TUT4: variants seen among roughly 807,000 people sequenced by gnomAD.
TUT4 encodes terminal uridylyl transferase 4, also known as terminal uridylyltransferase 4.
In TUT4, 36 loss-of-function variants were observed where a neutral mutation model predicts 192.2. The observed-to-expected ratio is 0.19, with a 90% confidence interval of 0.14 to 0.25. TUT4 has a LOEUF of 0.25. Ranked by LOEUF, TUT4 falls within the 10% of genes least tolerant of loss-of-function variation. The probability of loss-of-function intolerance (pLI) is 1.00; values close to 1 mark genes in which losing one functional copy is unlikely to be tolerated. For missense variants in TUT4, 1,493 were observed against 1,957.2 expected (o/e 0.76, Z 4.47); for synonymous variants, 618 against 666.0 (o/e 0.93, Z 1.11).
Position 52,513,190 on chromosome 1 carries a change from T to C in TUT4, c.882+2701A>G, listed in dbSNP as rs556198291. Among the ~76,000 whole-genome samples, 3 of 144,688 alleles carry C rather than the reference T, an allele frequency of 2.1e-5. No homozygotes were observed. In the South Asian group the frequency reaches 6.6e-4, roughly 32 times the overall value. The allele number at this position is 144,688 out of a possible 152,430, so 94.9% of individuals were successfully genotyped here. A position where few individuals can be genotyped will look rare whatever the true frequency, so the allele number is the denominator to read the frequency against. ...GGCTCACACCTGTAAACTCAGCACGTTGGGAGGCCGAGACCAGTCCGGGCA... is the reference window on the plus strand; with the variant it reads ...GGCTCACACCTGTAAACTCAGCACGCTGGGAGGCCGAGACCAGTCCGGGCA... On this transcript the variant is annotated intron_variant, in intron 3 of 29. Coordinates refer to ENST00000257177, the MANE Select transcript of TUT4 (RefSeq NM_001009881.3).
rs1666758945 is a variant in TUT4 at position 52,475,124 on chromosome 1, A to G, written c.2435T>C (p.Leu812Ser). ...TSKSSEIEPK[L>S]DKKQDDLAPS... ...CGCTAAATCATCTTGTTTCTTATCT[A>G]ATTTTGGCTCTATTTCACTGCTTTT... Residue 812 changes from leucine to serine, a missense_variant, in exon 13 of 30, where the codon TTA (leucine) becomes TCA (serine). By Grantham distance (145) the Leu-to-Ser change is moderately radical. Coordinates refer to ENST00000257177, the MANE Select transcript of TUT4 (RefSeq NM_001009881.3). The G allele has an allele frequency of 1.2e-6, 2 of 1,613,946 alleles. No homozygotes were observed. The highest frequency in any genetic ancestry group is 2.2e-5 in the South Asian group (2 of 91,070).
At chr1:52,498,240 CT>C (rs556089149) in intron 4 of TUT4, among the ~76,000 whole-genome samples, 3,024 of 119,362 alleles carry the variant, frequency 0.025, 38 homozygotes, top group African/African-American at 0.071. Flanking sequence ...AGTTTCAGTA[CT>C]TTTTTTTTTT....
intron 20 of TUT4, among the ~76,000 whole-genome samples, chr1:52,449,066 T>TACAC (rs144045393): frequency 6.6e-6 from 1 of 150,550 alleles, no homozygotes; most frequent in Non-Finnish European, 1.5e-5. Flanking sequence ...TATACACTTT[T>TACAC]ACACACACAC....
chr1:52,488,896 CTCTT>C lies in TUT4; in HGVS notation c.1515+9_1515+12del, dbSNP rs1400569417. The C allele has an allele frequency of 6.3e-7, 1 of 1,589,576 alleles. No individual in the cohort carries two copies. Among genetic ancestry groups the C allele is most frequent in the African/African-American group, 1.4e-5 (1 of 73,282 alleles). On this transcript the variant is annotated intron_variant, in intron 9 of 29. Transcript: ENST00000257177. ...AAAAATATAAATAAGTAGTTTTCCT[CTCTT>C]TCACTTACCTTAGCCCAGTAGCGAA...
chr1:52,533,730 G>A (rs1256963868), intron 1 of TUT4, among the ~76,000 whole-genome samples: 1 of 152,140 alleles, frequency 6.6e-6, no homozygotes, highest in Non-Finnish European at 1.5e-5. Context: ...CACTTTGGGA[G>A]GCTAAGGCAG....
intron 4 of TUT4, among the ~76,000 whole-genome samples, chr1:52,498,400 C>T (rs1458890251): frequency 1.3e-5 from 2 of 151,874 alleles, no homozygotes; most frequent in Non-Finnish European, 2.9e-5. Flanking sequence ...CCCGCCACCT[C>T]GCCTGGCTAA....
At chr1:52,485,952 G>A (rs936632123) in intron 9 of TUT4, among the ~76,000 whole-genome samples, 7 of 151,874 alleles carry the variant, frequency 4.6e-5, no homozygotes, top group African/African-American at 1.2e-4. Flanking sequence ...TAATTATACC[G>A]TAGCATAATA....
intron 24 of TUT4, among the ~76,000 whole-genome samples, chr1:52,445,250 C>A (rs562937146): frequency 6.6e-6 from 1 of 151,978 alleles, no homozygotes; most frequent in Non-Finnish European, 1.5e-5. Context: ...CACTCTCCCA[C>A]CCAATTCAGG....
At chr1:52,457,078 A>G (rs2148636467) in intron 20 of TUT4, among the ~76,000 whole-genome samples, 1 of 152,308 alleles carries the variant, frequency 6.6e-6, no homozygotes, top group East Asian at 1.9e-4. Flanking sequence ...AGATTCAGCA[A>G]CTTAAATCTT....
intron 15 of TUT4, among the ~76,000 whole-genome samples, chr1:52,466,927 A>G (rs1454928032): frequency 6.6e-6 from 1 of 151,990 alleles, no homozygotes; most frequent in African/African-American, 2.4e-5. Flanking sequence ...TCAGCCTCCC[A>G]AAGTGCTGGG....
intron 4 of TUT4, among the ~76,000 whole-genome samples, chr1:52,509,121 T>G (rs1049561105): frequency 6.6e-6 from 1 of 152,152 alleles, no homozygotes; most frequent in Admixed American, 6.5e-5. Flanking sequence ...ACTACTTCAT[T>G]CAAAAGTCAC....
At chr1:52,518,669 A>G (rs528514491) in intron 2 of TUT4, among the ~76,000 whole-genome samples, 1 of 152,356 alleles carries the variant, frequency 6.6e-6, no homozygotes, top group African/African-American at 2.4e-5. Context: ...TACAACATGG[A>G]TAAACCTTAA....
chr1:52,454,960 G>A (rs75704608), intron 20 of TUT4, among the ~76,000 whole-genome samples: 2,044 of 152,254 alleles, frequency 0.013, 47 homozygotes, highest in African/African-American at 0.047. Flanking sequence ...AAAGATTTCC[G>A]CATAATGTCA....
At chr1:52,550,300 C>T (rs1037887452) in intron 1 of TUT4, among the ~76,000 whole-genome samples, 1 of 152,002 alleles carries the variant, frequency 6.6e-6, no homozygotes, top group Admixed American at 6.6e-5. Context: ...TGTCCCTTTC[C>T]TTTGACTTTT....
intron 20 of TUT4, among the ~76,000 whole-genome samples, chr1:52,456,196 A>G (rs1660888589): frequency 6.6e-6 from 1 of 151,904 alleles, no homozygotes; most frequent in African/African-American, 2.4e-5. Flanking sequence ...CTGAGGTCAG[A>G]CATTAGAGAC....
At chr1:52,528,774 C>T (rs2149490275) in intron 1 of TUT4, among the ~76,000 whole-genome samples, 1 of 152,200 alleles carries the variant, frequency 6.6e-6, no homozygotes, top group East Asian at 1.9e-4. Context: ...AGAGTTCACT[C>T]TTTAATAATC....
chr1:52,435,133 A>G (rs1653354527), intron 27 of TUT4: 2 of 316,776 alleles, frequency 6.3e-6, no homozygotes, highest in African/African-American at 2.1e-5. Flanking sequence ...TTATTGTACA[A>G]TTGAAGAGTA....
chr1:52,546,306 C>T (rs766996040), intron 1 of TUT4, among the ~76,000 whole-genome samples: 14 of 152,230 alleles, frequency 9.2e-5, no homozygotes, highest in Admixed American at 2.6e-4. Context: ...CAAGTGTCTA[C>T]TCATAGACAA....
At position 52,525,607 on chromosome 1, in the gene TUT4, G is replaced by C. The variant is rs1282304505; in HGVS notation, c.674C>G (p.Ser225Cys). ...TTCAATTCCTGAAGCACTATCATCA[G>C]AATCACCAGTATTATCTGTACATGT... is the stretch of plus-strand genomic sequence containing the variant. ...QQTCTDNTGD[S>C]DDSASGIEDV... The change falls in exon 2 of 30, where the codon TCT becomes TGT. Residue 225 changes from serine to cysteine, a missense_variant. By Grantham distance (112) the Ser-to-Cys change is moderately radical (BLOSUM62 -1). Coordinates refer to ENST00000257177, the MANE Select transcript of TUT4 (RefSeq NM_001009881.3). 6.2e-7 allele frequency: 1 copy of C among 1,612,924 alleles called. No homozygotes were observed. The highest frequency in any genetic ancestry group is 1.1e-5 in the South Asian group (1 of 90,544).
Sources: gnomAD v4.1 joint callset for allele counts (sites outside exome capture counted in the v4.1 genomes callset) on GRCh38, gnomAD v4.1.1 for gene constraint, MANE v1.5 for transcripts, NCBI Gene and HGNC (gene_info 2026-07-23, HGNC 2026-07-21) for gene names.